SLC39A8: variants seen among roughly 807,000 people sequenced by gnomAD.
SLC39A8 encodes the protein solute carrier family 39 member 8.
Under a neutral mutation model 40.4 loss-of-function variants are expected in SLC39A8, and 15 were observed. The ratio of observed to expected loss-of-function variants is 0.37; its 90% CI spans 0.25 to 0.57. SLC39A8 has a LOEUF of 0.57. SLC39A8 is among the 20% of genes least tolerant of loss of function. SLC39A8 has a pLI of 0.75. For synonymous variants in SLC39A8, 223 were observed against 221.6 expected (o/e 1.01, Z -0.06); for missense variants, 472 against 558.8 (o/e 0.84, Z 1.57).
chr4:102,328,952 C>T (rs540818810), intron 2 of SLC39A8, among the ~76,000 whole-genome samples: 4 of 150,426 alleles, frequency 2.7e-5, no homozygotes, highest in East Asian at 3.9e-4. Context: ...GGTGTGAACC[C>T]GGGAGGCGGA....
rs187021849 is a variant in SLC39A8 at position 102,296,329 on chromosome 4, A to C, written c.840+7988T>G. On this transcript the variant is annotated intron_variant, in intron 6 of 8. Coordinates refer to ENST00000356736, the MANE Select transcript of SLC39A8 (RefSeq NM_001135146.2). The stretch of plus-strand genomic sequence containing the variant: ...GCTATGTGGTTTATTACAAGAAGTC[A>C]TCTTTTTAAGTGATGATCTTTACAT... Among the ~76,000 whole-genome samples, 1,152 of 125,866 alleles carry C rather than the reference A, an allele frequency of 9.2e-3. 13 individuals are homozygous for C. Among genetic ancestry groups the C allele is most frequent in the African/African-American group, 0.029 (1,077 of 37,066 alleles). The allele number at this position is 125,866 out of a possible 152,430, so 82.6% of individuals were successfully genotyped here.
At chr4:102,333,432 G>T (rs112870025) in intron 2 of SLC39A8, among the ~76,000 whole-genome samples, 110 of 152,232 alleles carry the variant, frequency 7.2e-4, no homozygotes, top group African/African-American at 2.5e-3. Context: ...TTAACTAAGA[G>T]ATATTTATAA....
intron 6 of SLC39A8, among the ~76,000 whole-genome samples, chr4:102,273,570 T>G (rs1185444969): frequency 6.6e-6 from 1 of 152,170 alleles, no homozygotes; most frequent in Non-Finnish European, 1.5e-5. Flanking sequence ...GAGCAGCAGA[T>G]CTCCCAGCAT....
intron 6 of SLC39A8, among the ~76,000 whole-genome samples, chr4:102,275,708 A>G (rs769125306): frequency 6.6e-6 from 1 of 152,178 alleles, no homozygotes; most frequent in African/African-American, 2.4e-5. Flanking sequence ...CATAGCACTT[A>G]TTCTAAAAGA....
At chr4:102,282,696 T>C (rs2119213) in intron 6 of SLC39A8, among the ~76,000 whole-genome samples, 46,134 of 151,974 alleles carry the variant, frequency 0.3, 7,618 homozygotes, top group East Asian at 0.41. Flanking sequence ...GGCTTCCTCC[T>C]CTATTCTAGT....
downstream of SLC39A8, among the ~76,000 whole-genome samples, chr4:102,257,391 C>G (rs1021724229): frequency 6.6e-6 from 1 of 151,954 alleles, no homozygotes; most frequent in African/African-American, 2.4e-5. Flanking sequence ...ACAGAAGTGC[C>G]AGCTATTGAT....
intron 2 of SLC39A8, among the ~76,000 whole-genome samples, chr4:102,323,685 T>C (rs1391872735): frequency 6.6e-6 from 1 of 152,220 alleles, no homozygotes; most frequent in African/African-American, 2.4e-5. Flanking sequence ...TAAATTTGGA[T>C]GAAGAAATCC....
At chr4:102,274,779 G>A (rs1408614822) in intron 6 of SLC39A8, among the ~76,000 whole-genome samples, 1 of 152,200 alleles carries the variant, frequency 6.6e-6, no homozygotes, top group African/African-American at 2.4e-5. Flanking sequence ...CAAGCCAGAA[G>A]AGAGTATGGG....
chr4:102,304,934 T>C (rs1734101065), intron 5 of SLC39A8, 55 bp downstream of exon 5: 2 of 1,479,692 alleles, frequency 1.4e-6, no homozygotes, highest in Non-Finnish European at 1.8e-6. Flanking sequence ...TATTTGCCTA[T>C]ATAAAGTAGC....
At chr4:102,341,196 C>A (rs532822586) in intron 2 of SLC39A8, among the ~76,000 whole-genome samples, 15 of 152,146 alleles carry the variant, frequency 9.9e-5, no homozygotes, top group African/African-American at 3.1e-4. Flanking sequence ...ACTATGTGCA[C>A]TACAGGAGAT....
intron 11 of SLC39A8, chr4:102,253,425 CCTTGCCTGACAGACAAAGAGAAGGAA>C (rs1731638005): frequency 5.6e-6 from 4 of 715,426 alleles, no homozygotes; most frequent in Non-Finnish European, 1.0e-5. Flanking sequence ...GAAATTACTA[CCTTGCCTGACAGACAAAGAGAAGGAA>C]CATAGTAAAG....
intron 6 of SLC39A8, among the ~76,000 whole-genome samples, chr4:102,287,650 A>C (rs1733241208): frequency 6.6e-6 from 1 of 152,108 alleles, no homozygotes; most frequent in African/African-American, 2.4e-5. Flanking sequence ...ACTATTTTTT[A>C]TGTCAGTAAG....
chr4:102,275,147 A>G (rs1732558564), intron 6 of SLC39A8, among the ~76,000 whole-genome samples: 1 of 152,238 alleles, frequency 6.6e-6, no homozygotes, highest in Admixed American at 6.5e-5. Flanking sequence ...ATTAAAAGGC[A>G]CAGACTGGCA....
chr4:102,329,011 G>C (rs1037346847), intron 2 of SLC39A8, among the ~76,000 whole-genome samples: 1 of 147,208 alleles, frequency 6.8e-6, no homozygotes, highest in Non-Finnish European at 1.5e-5. Context: ...TTGGGTGACA[G>C]AGAGAGACTG....
downstream of SLC39A8, chr4:102,261,615 C>T (rs1731861965): frequency 6.6e-6 from 5 of 752,618 alleles, no homozygotes; most frequent in African/African-American, 3.8e-5. Context: ...ATACCAGATA[C>T]ATGGTAGTCA....
intron 2 of SLC39A8, among the ~76,000 whole-genome samples, chr4:102,320,041 C>T (rs1437272793): frequency 6.6e-6 from 1 of 151,088 alleles, no homozygotes; most frequent in African/African-American, 2.4e-5. Context: ...GGTTCTCGGG[C>T]TTTCAGACAC....
intron 6 of SLC39A8, among the ~76,000 whole-genome samples, chr4:102,295,552 G>A (rs934678252): frequency 6.6e-6 from 1 of 151,964 alleles, no homozygotes; most frequent in Non-Finnish European, 1.5e-5. Context: ...CATTTTGTTT[G>A]TTTGTTTAAG....
chr4:102,320,943 T>C (rs1177481183), intron 2 of SLC39A8, among the ~76,000 whole-genome samples: 1 of 151,838 alleles, frequency 6.6e-6, no homozygotes. Context: ...CATGTAGTTA[T>C]ACTACAGATT....
At chr4:102,295,795 C>G (rs1201755272) in intron 6 of SLC39A8, among the ~76,000 whole-genome samples, 1 of 152,114 alleles carries the variant, frequency 6.6e-6, no homozygotes, top group African/African-American at 2.4e-5. Context: ...GATTAGCTAA[C>G]ATAAGGAACC....
Sources: gnomAD v4.1 joint callset for allele counts (sites outside exome capture counted in the v4.1 genomes callset) on GRCh38, gnomAD v4.1.1 for gene constraint, MANE v1.5 for transcripts, NCBI Gene and HGNC (gene_info 2026-07-23, HGNC 2026-07-21) for gene names.